The following SYNE2 variants were observed in gnomAD, a reference collection of about 807,000 sequenced individuals.
SYNE2 encodes nesprin-2.
SYNE2 carries 431 observed loss-of-function variants against 856.3 expected under a neutral mutation model. The ratio of observed to expected loss-of-function variants is 0.50; its 90% CI spans 0.47 to 0.55. The LOEUF is 0.55. SYNE2 is among the 20% of genes least tolerant of loss of function. SYNE2 has a pLI of 0.00. For synonymous variants in SYNE2, 2,923 were observed against 2,872.3 expected, an observed-to-expected ratio of 1.02 and a Z score of -0.56; for missense variants, 8,129 against 8,023.2, an observed-to-expected ratio of 1.01 and a Z score of -0.50.
chr14:64,081,631 C>T lies in SYNE2; in HGVS notation c.11484+51C>T, dbSNP rs767346042. The T allele has an allele frequency of 5.8e-5, 92 of 1,598,634 alleles. No homozygotes were observed. In the East Asian group the frequency reaches 6.5e-4, roughly 11 times the overall value. ...CACTCATAGCATCTACATAAAGATTCGTGGCTTAGCTGATTGTCTTGGTGC... is the reference window on the plus strand; with the variant it reads ...CACTCATAGCATCTACATAAAGATTTGTGGCTTAGCTGATTGTCTTGGTGC... On this transcript the variant is annotated intron_variant, in intron 57 of 115. Coordinates refer to ENST00000555002, the MANE Select transcript of SYNE2 (RefSeq NM_182914.3).
intron 84 of SYNE2, among the ~76,000 whole-genome samples, chr14:64,147,585 C>T (rs1462811402): frequency 6.6e-6 from 1 of 152,196 alleles, no homozygotes; most frequent in Non-Finnish European, 1.5e-5. Flanking sequence ...CTTCCCACAA[C>T]CTCACTACCA....
intron 99 of SYNE2, among the ~76,000 whole-genome samples, chr14:64,199,986 A>T (rs1596173330): frequency 1.3e-5 from 2 of 151,554 alleles, no homozygotes; most frequent in South Asian, 4.2e-4. Context: ...CACCTTCTCC[A>T]TACCCCCTCT....
chr14:63,907,360 C>T (rs1350910621), intron 1 of SYNE2, among the ~76,000 whole-genome samples: 2 of 152,146 alleles, frequency 1.3e-5, no homozygotes, highest in Non-Finnish European at 1.5e-5. Context: ...AACTCTGAAG[C>T]CCAAACCACC....
At chr14:64,191,774 GA>G (rs1047167212) in intron 99 of SYNE2, among the ~76,000 whole-genome samples, 1 of 151,734 alleles carries the variant, frequency 6.6e-6, no homozygotes, top group African/African-American at 2.4e-5. Flanking sequence ...CCAGTTGGGG[GA>G]AAAAAAACAA....
intron 84 of SYNE2, among the ~76,000 whole-genome samples, chr14:64,147,156 C>G (rs1261000932): frequency 6.6e-6 from 1 of 152,100 alleles, no homozygotes; most frequent in Admixed American, 6.5e-5. Flanking sequence ...TGTTTTCATG[C>G]GTGTCGCTAC....
intron 1 of SYNE2, among the ~76,000 whole-genome samples, chr14:63,896,933 A>G (rs1344858639): frequency 1.3e-5 from 2 of 151,998 alleles, no homozygotes; most frequent in Non-Finnish European, 2.9e-5. Context: ...CTTTTACTGT[A>G]TATGTGTTCA....
Position 64,009,915 on chromosome 14 carries a change from C to A in SYNE2, c.4578-51C>A, listed in dbSNP as rs367780556. On this transcript the variant is annotated intron_variant, in intron 31 of 115. Coordinates refer to ENST00000555002, the MANE Select transcript of SYNE2 (RefSeq NM_182914.3). ...GTGGGATACTTGCAAAGAGAAAGAA[C>A]GGTTTTGCTATTTTTGGACATTTAG... 3 of 1,519,258 alleles carry A rather than the reference C, an allele frequency of 2.0e-6. No homozygotes were observed. In the African/African-American group the frequency reaches 4.1e-5, roughly 21 times the overall value. 94.1% of individuals were successfully genotyped at this position (1,519,258 alleles called of 1,614,324 possible).
intron 2 of SYNE2, among the ~76,000 whole-genome samples, chr14:63,930,117 C>G (rs943546995): frequency 1.3e-5 from 2 of 151,866 alleles, no homozygotes; most frequent in Non-Finnish European, 2.9e-5. Context: ...AGAACCCTGT[C>G]TCTACAAAAA....
chr14:63,813,122 G>A (rs560917508), intron 1 of SYNE2, among the ~76,000 whole-genome samples: 15 of 152,232 alleles, frequency 9.9e-5, no homozygotes, highest in Admixed American at 3.3e-4. Flanking sequence ...TTTTAAAAGT[G>A]TAAAATTTTT....
intron 45 of SYNE2, among the ~76,000 whole-genome samples, chr14:64,047,313 C>CA (rs986479274): frequency 2.2e-4 from 34 of 151,606 alleles, no homozygotes; most frequent in Non-Finnish European, 4.4e-4. Context: ...TGGAATTACG[C>CA]AAAAAAGGTT....
At chr14:64,210,428 G>A (rs1312320681) in intron 103 of SYNE2, among the ~76,000 whole-genome samples, 3 of 152,140 alleles carry the variant, frequency 2.0e-5, no homozygotes, top group Non-Finnish European at 2.9e-5. Context: ...CCAGGGCGCC[G>A]CTTCGCTGGG....
At chr14:64,066,127 A>G (rs747960527) in intron 51 of SYNE2, among the ~76,000 whole-genome samples, 4 of 152,246 alleles carry the variant, frequency 2.6e-5, no homozygotes, top group Non-Finnish European at 5.9e-5. Context: ...CCTGCATGAT[A>G]TATATCAATC....
intron 65 of SYNE2, among the ~76,000 whole-genome samples, chr14:64,109,111 A>G (rs963892515): frequency 1.3e-5 from 2 of 151,888 alleles, no homozygotes; most frequent in Non-Finnish European, 2.9e-5. Context: ...CTGGTCTCAA[A>G]CCATCTGCCC....
chr14:63,939,318 C>A (rs1317666910), intron 2 of SYNE2, among the ~76,000 whole-genome samples: 5 of 151,762 alleles, frequency 3.3e-5, no homozygotes, highest in Non-Finnish European at 7.4e-5. Flanking sequence ...TCAGGTCTTC[C>A]CCTTGACTCC....
intron 7 of SYNE2, among the ~76,000 whole-genome samples, chr14:63,950,445 C>CT (rs1430403933): frequency 6.6e-6 from 1 of 152,042 alleles, no homozygotes; most frequent in Non-Finnish European, 1.5e-5. Context: ...ATCCCAGCTA[C>CT]TTGGGAGGCT....
chr14:64,128,636 C>G, intron 74 of SYNE2, 83 bp downstream of exon 74: 1 of 850,048 alleles, frequency 1.2e-6, no homozygotes. Context: ...AACTACTTTC[C>G]TTTGTGAGCA....
rs74691724 is a variant in SYNE2, at chr14:64,013,710, G to C, written c.4729-2763G>C. On this transcript the variant is annotated intron_variant, in intron 32 of 115. Coordinates refer to ENST00000555002, the MANE Select transcript of SYNE2 (RefSeq NM_182914.3). ...AGACCTGGGTTTTGATCTCAGCTCT[G>C]CCGATGTATCAGTCAGCATCTAGTT... Among the ~76,000 whole-genome samples the C allele has an allele frequency of 1.1e-3, 169 of 152,290 alleles. 3 individuals are homozygous for C. The East Asian group carries it at 0.015, about 14-fold the overall frequency.
At chr14:64,186,390 AG>A in intron 96 of SYNE2, 33 bp from the exon 97 acceptor site, 2 of 1,613,918 alleles carry the variant, frequency 1.2e-6, no homozygotes, top group Non-Finnish European at 1.7e-6. Flanking sequence ...CTTGAGTTGA[AG>A]GCTTTTTACC....
chr14:63,986,755 T>C (rs1251391374), intron 19 of SYNE2, 138 bp downstream of exon 19: 1 of 961,036 alleles, frequency 1.0e-6, no homozygotes, highest in African/African-American at 1.6e-5. Context: ...AATGAATGGA[T>C]TTTATCCCTG....
Sources: allele counts gnomAD v4.1 joint callset (sites outside exome capture counted in the v4.1 genomes callset), GRCh38; gene constraint gnomAD v4.1.1; transcripts MANE v1.5; gene names NCBI Gene and HGNC (gene_info 2026-07-23, HGNC 2026-07-21).